Variants in ABCA12 observed in about 807,000 individuals in gnomAD.
ABCA12 encodes the protein ATP binding cassette subfamily A member 12.
Under a neutral mutation model 293.5 loss-of-function variants are expected in ABCA12, and 156 were observed. That is an observed-to-expected ratio of 0.53 (90% CI 0.47 to 0.61). The LOEUF (loss-of-function observed/expected upper bound fraction) is 0.61, where lower values mean the gene tolerates loss of function less well. Among genes scored for constraint, ABCA12 ranks in the 20% least tolerant of loss-of-function variants. The pLI, the probability that ABCA12 is intolerant of heterozygous loss-of-function variation, is 0.00. For synonymous variants in ABCA12, 1,063 were observed against 1,108.0 expected (o/e 0.96, Z 0.81); for missense variants, 2,797 against 3,090.2 (o/e 0.91, Z 2.25).
Position 215,000,917 on chromosome 2 carries a change from G to A in ABCA12, c.2967C>T (p.Leu989=), listed in dbSNP as rs762610033. Residue 989 remains leucine, a synonymous_variant, in exon 22 of 53, where the codon CTC becomes CTT. Transcript: ENST00000272895. ...GGCTTCTTGTGGTCTGTGCGGTCTT[G>A]AGACTCATCCGGATGGTATATTTTA... ...PVIKYTIRMS[L]KTAQTTRSLR... is the part of the protein sequence containing the mutation. 2 of 1,614,142 alleles carry A rather than the reference G, an allele frequency of 1.2e-6. No individual in the cohort carries two copies. Among genetic ancestry groups the A allele is most frequent in the Non-Finnish European group, 1.7e-6 (2 of 1,179,998 alleles).
At chr2:215,091,815 T>G (rs1257977855) in intron 2 of ABCA12, among the ~76,000 whole-genome samples, 1 of 152,214 alleles carries the variant, frequency 6.6e-6, no homozygotes, top group East Asian at 1.9e-4. Flanking sequence ...ATGCCTAAAC[T>G]GCAGTGGCCA....
At chr2:215,065,335 G>A (rs997795364) in intron 2 of ABCA12, among the ~76,000 whole-genome samples, 8 of 131,344 alleles carry the variant, frequency 6.1e-5, no homozygotes, top group African/African-American at 1.1e-4. Flanking sequence ...AAGAGTGCCC[G>A]TACAGGTCTG....
chr2:215,003,042 C>G (rs1198227235), intron 20 of ABCA12, among the ~76,000 whole-genome samples: 1 of 152,158 alleles, frequency 6.6e-6, no homozygotes, highest in African/African-American at 2.4e-5. Flanking sequence ...TTTATTTAAT[C>G]AAGCTGGGTT....
chr2:214,956,838 AT>A, intron 41 of ABCA12, 60 bp from the exon 42 acceptor site: 3 of 1,156,666 alleles, frequency 2.6e-6, no homozygotes, highest in Non-Finnish European at 2.6e-6. Context: ...AAAAAAAAAA[AT>A]CAATAACCCA....
At position 215,037,057 on chromosome 2, in the gene ABCA12, A is replaced by G; in HGVS notation, c.881T>C (p.Leu294Pro). 3 of 1,613,836 alleles carry G rather than the reference A, an allele frequency of 1.9e-6. No individual in the cohort carries two copies. Among genetic ancestry groups the G allele is most frequent in the Non-Finnish European group, 1.7e-6 (2 of 1,179,750 alleles). Residue 294 changes from leucine to proline, a missense_variant, in exon 8 of 53, where the codon CTG becomes CCG. By Grantham distance (98) the Leu-to-Pro change is moderately conservative. This residue lies in a region of ABCA12 where 656 missense variants were observed against 638.2 expected (regional missense o/e 1.03). Transcript: ENST00000272895. Reference sequence around the variant, plus strand: ...ACGTGGATAAACCTTCTGCACAACCAGCAGCACACTAAGGAGTCAAAAAGC... The same window carrying G: ...ACGTGGATAAACCTTCTGCACAACCGGCAGCACACTAAGGAGTCAAAAAGC... Reference protein sequence around the residue: ...DVLRKANSVLLVVQKVYPRFA... With the variant: ...DVLRKANSVLPVVQKVYPRFA...
At chr2:215,004,473 G>A (rs145919757) in intron 19 of ABCA12, among the ~76,000 whole-genome samples, 174 bp from the exon 20 acceptor site, 1 of 152,322 alleles carries the variant, frequency 6.6e-6, no homozygotes, top group South Asian at 2.1e-4. Context: ...TTGGGGGTTG[G>A]TAATGACTTG....
intron 19 of ABCA12, among the ~76,000 whole-genome samples, chr2:215,007,158 AGCTACC>A (rs1700273342): frequency 6.6e-6 from 1 of 152,166 alleles, no homozygotes; most frequent in Non-Finnish European, 1.5e-5. Context: ...TACAGGCGTG[AGCTACC>A]GCACCTGGCC....
chr2:214,950,678 T>C (rs778466079), intron 45 of ABCA12, among the ~76,000 whole-genome samples: 1 of 152,004 alleles, frequency 6.6e-6, no homozygotes, highest in Non-Finnish European at 1.5e-5. Context: ...CTAATTTTTC[T>C]ATTTTCAGTA....
intron 49 of ABCA12, among the ~76,000 whole-genome samples, chr2:214,943,726 A>G (rs1276227249): frequency 6.6e-6 from 1 of 151,944 alleles, no homozygotes; most frequent in East Asian, 1.9e-4. Flanking sequence ...CTATTTTTGG[A>G]TTTATAACTA....
chr2:215,017,824 T>C, intron 14 of ABCA12, 184 bp downstream of exon 14: 1 of 722,168 alleles, frequency 1.4e-6, no homozygotes, highest in Non-Finnish European at 2.2e-6. Context: ...CACATAGTGA[T>C]AAAATTCTTG....
intron 49 of ABCA12, among the ~76,000 whole-genome samples, chr2:214,944,216 A>C (rs1362876557): frequency 2.6e-5 from 4 of 152,076 alleles, no homozygotes; most frequent in Non-Finnish European, 5.9e-5. Flanking sequence ...ATTTGAGACC[A>C]GCCTGGCCAA....
At chr2:215,128,969 C>T (rs6707933) in intron 1 of ABCA12, among the ~76,000 whole-genome samples, 12,473 of 152,186 alleles carry the variant, frequency 0.082, 1,189 homozygotes, top group African/African-American at 0.23. Flanking sequence ...GTTGTTCAGA[C>T]TTTTTTGTCC....
In ABCA12 at chr2:215,026,883, G is replaced by A. The variant is rs1302929279; in HGVS notation, c.1117C>T (p.Pro373Ser). Residue 373 changes from proline (P) to serine (S), a missense_variant, in exon 10 of 53, where the codon CCT (proline) becomes TCT (serine). Coordinates refer to ENST00000272895, the MANE Select transcript of ABCA12 (RefSeq NM_173076.3). Reference sequence around the variant, plus strand: ...ACACATGCCAAGTAAGGAATATAAGGACTATTTGCTGATATATTTAAGAGG... The same window carrying A: ...ACACATGCCAAGTAAGGAATATAAGAACTATTTGCTGATATATTTAAGAGG... ...DALLNISANS[P>S]YIPYLACVRN... is the part of the protein sequence containing the mutation. 1 of 1,613,634 alleles carries A rather than the reference G, an allele frequency of 6.2e-7. No homozygotes were observed. Among genetic ancestry groups the A allele is most frequent in the South Asian group, 1.1e-5 (1 of 91,066 alleles).
intron 28 of ABCA12, among the ~76,000 whole-genome samples, chr2:214,984,571 G>A (rs920733185): frequency 5.3e-5 from 8 of 152,096 alleles, no homozygotes; most frequent in Admixed American, 5.2e-4. Flanking sequence ...CCACTTCTCT[G>A]TGAGATTTCT....
intron 21 of ABCA12, 56 bp from the exon 22 acceptor site, chr2:215,001,076 A>T: frequency 6.4e-7 from 1 of 1,565,914 alleles, no homozygotes; most frequent in South Asian, 1.1e-5. Context: ...GACGTTATTC[A>T]TTGTTTGGAG....
intron 26 of ABCA12, among the ~76,000 whole-genome samples, chr2:214,988,709 G>C (rs1182893239): frequency 6.6e-6 from 1 of 152,104 alleles, no homozygotes; most frequent in African/African-American, 2.4e-5. Context: ...TATTTAGAGA[G>C]ACTGGATTGA....
rs187544064 is a variant in ABCA12 at position 214,952,994 on chromosome 2, A to G, written c.6647+860T>C. Among the ~76,000 whole-genome samples the G allele has an allele frequency of 5.4e-4, 83 of 152,312 alleles. 1 individual carries two copies. Among genetic ancestry groups the G allele is most frequent in the African/African-American group, 2.0e-3 (83 of 41,566 alleles). ...AATGGTACCGAAGATGACAGTAAAA[A>G]CTGGTCATCTTCAACTGTATATATC... On this transcript the variant is annotated intron_variant, in intron 44 of 52. Coordinates refer to ENST00000272895, the MANE Select transcript of ABCA12 (RefSeq NM_173076.3).
intron 23 of ABCA12, among the ~76,000 whole-genome samples, chr2:214,996,036 C>T (rs1161421725): frequency 6.6e-6 from 1 of 152,090 alleles, no homozygotes; most frequent in Admixed American, 6.5e-5. Flanking sequence ...ATTCTGATTA[C>T]AAGTTCAGTG....
intron 2 of ABCA12, among the ~76,000 whole-genome samples, chr2:215,108,345 C>A (rs2106124423): frequency 6.6e-6 from 1 of 152,248 alleles, no homozygotes. Context: ...GGGGTGCTTC[C>A]AATCCTAGTT....
Sources: gnomAD v4.1 joint callset for allele counts (sites outside exome capture counted in the v4.1 genomes callset) on GRCh38, gnomAD v4.1.1 for gene constraint, gnomAD v4.1.1 regional missense constraint, MANE v1.5 for transcripts, NCBI Gene and HGNC (gene_info 2026-07-23, HGNC 2026-07-21) for gene names.